KIF5C: variants seen among roughly 807,000 people sequenced by gnomAD.
The protein encoded by KIF5C is kinesin family member 5C, also known as kinesin heavy chain isoform 5C.
Under a neutral mutation model 125.2 loss-of-function variants are expected in KIF5C, and 18 were observed. That is an observed-to-expected ratio of 0.14 (90% CI 0.10 to 0.21). The LOEUF is 0.21. Among genes scored for constraint, KIF5C ranks in the 10% least tolerant of loss-of-function variants. KIF5C has a pLI of 1.00. For missense variants in KIF5C, 780 were observed against 1,183.8 expected, an observed-to-expected ratio of 0.66 and a Z score of 5.01; for synonymous variants, 405 against 434.0, an observed-to-expected ratio of 0.93 and a Z score of 0.83.
intron 11 of KIF5C, among the ~76,000 whole-genome samples, chr2:148,965,560 G>T (rs562787108): frequency 1.3e-5 from 2 of 152,160 alleles, no homozygotes; most frequent in Non-Finnish European, 2.9e-5. Context: ...GTGGGGAGAG[G>T]TCCTTTGTCC....
At chr2:148,931,356 A>T (rs1682180478) in intron 3 of KIF5C, among the ~76,000 whole-genome samples, 1 of 152,186 alleles carries the variant, frequency 6.6e-6, no homozygotes, top group Non-Finnish European at 1.5e-5. Flanking sequence ...GAAGAGATGG[A>T]TGTAGGGTGA....
chr2:148,954,467 C>G (rs78358442), intron 10 of KIF5C, among the ~76,000 whole-genome samples: 3,157 of 152,282 alleles, frequency 0.021, 96 homozygotes, highest in African/African-American at 0.065. Flanking sequence ...AGTGTGAACT[C>G]AAATCACCCA....
intron 25 of KIF5C, among the ~76,000 whole-genome samples, chr2:149,019,146 G>T (rs1299118198): frequency 6.6e-6 from 1 of 152,128 alleles, no homozygotes; most frequent in Non-Finnish European, 1.5e-5. Flanking sequence ...TGCTGTTTTG[G>T]TTGAAGTATA....
chr2:148,908,602 C>T (rs1681206704), intron 1 of KIF5C, among the ~76,000 whole-genome samples: 1 of 152,184 alleles, frequency 6.6e-6, no homozygotes, highest in South Asian at 2.1e-4. Flanking sequence ...CTCAGTTTCT[C>T]CAGTATTACC....
intron 25 of KIF5C, among the ~76,000 whole-genome samples, chr2:149,017,948 C>T (rs1193279920): frequency 2.0e-5 from 3 of 152,092 alleles, no homozygotes; most frequent in Admixed American, 6.5e-5. Flanking sequence ...AGGTGCAATG[C>T]GACCCCGGAG....
In KIF5C at chr2:148,991,163, C is replaced by T. The variant is rs750607673; in HGVS notation, c.1870C>T (p.Arg624Trp). ...CAACAGGAAGATGAATGCCAGCGAG[C>T]GGGAGCTGGCAGCCTGCCAGCTGCT... ...DSNRKMNASE[R>W]ELAACQLLIS... Residue 624 changes from arginine (R) to tryptophan (W), a missense_variant, in exon 16 of 26, where the codon CGG (arginine) becomes TGG (tryptophan). Physicochemically the swap from Arg to Trp is moderately radical, Grantham distance 101 (BLOSUM62 -3). Coordinates refer to ENST00000435030, the MANE Select transcript of KIF5C (RefSeq NM_004522.3). 1.1e-5 allele frequency: 17 copies of T among 1,613,790 alleles called. No homozygotes were observed. The highest frequency in any genetic ancestry group is 5.0e-5 in the Admixed American group (3 of 60,026).
chr2:148,998,531 G>A (rs376682764), intron 19 of KIF5C, 22 bp downstream of exon 19: 1 of 1,551,348 alleles, frequency 6.4e-7, no homozygotes, highest in Non-Finnish European at 8.7e-7. Flanking sequence ...CAGGGCACCA[G>A]GGGTGTGGGG....
In KIF5C at chr2:148,876,815, C is replaced by A. The variant is rs1423653556; in HGVS notation, c.126+1072C>A. On this transcript the variant is annotated intron_variant, in intron 1 of 25. Coordinates refer to ENST00000435030, the MANE Select transcript of KIF5C (RefSeq NM_004522.3). This position sits in a 1 kb window ranked among gnomAD's most constrained non-coding sequence, Gnocchi z 4.7. ...GTATGCGAGCCGCGTGGGGAGGGAC[C>A]GAGTTAATGGGAGCCTCCCGGTCCC... 6.6e-6 allele frequency among the ~76,000 whole-genome samples: 1 copy of A among 152,202 alleles called. No homozygotes were observed. Among genetic ancestry groups the A allele is most frequent in the Non-Finnish European group, 1.5e-5 (1 of 68,034 alleles).
chr2:148,964,598 T>C (rs1683006235), intron 11 of KIF5C, among the ~76,000 whole-genome samples: 1 of 152,274 alleles, frequency 6.6e-6, no homozygotes. Flanking sequence ...CCAAGAGTTA[T>C]ACAACAGGGG....
At chr2:148,974,367 AT>A (rs1235871069) in intron 12 of KIF5C, among the ~76,000 whole-genome samples, 3 of 152,322 alleles carry the variant, frequency 2.0e-5, no homozygotes, top group Non-Finnish European at 4.4e-5. Context: ...CAGCTTTGTT[AT>A]GTTAACCTTG....
At chr2:148,957,602 A>AG (rs1553466364) in intron 10 of KIF5C, among the ~76,000 whole-genome samples, 1 of 118,158 alleles carries the variant, frequency 8.5e-6, no homozygotes, top group Admixed American at 9.4e-5. Flanking sequence ...TAAAAAAAAA[A>AG]AAAAAAAAAA....
intron 12 of KIF5C, among the ~76,000 whole-genome samples, chr2:148,976,753 G>C (rs1333925029): frequency 1.4e-5 from 2 of 147,446 alleles, no homozygotes; most frequent in African/African-American, 5.1e-5. Flanking sequence ...TTTTTTTTTT[G>C]TATGTTTTGT....
In KIF5C at chr2:148,894,838, T is replaced by C. The variant is rs1008947629; in HGVS notation, c.126+19095T>C. ...TTATTCCAAATATTATATAAACATT[T>C]TAGGTTGATTTAAAAAAATTCAGGA... On this transcript the variant is annotated intron_variant, in intron 1 of 25. Transcript: ENST00000435030. Among the ~76,000 whole-genome samples the C allele has an allele frequency of 3.3e-5, 5 of 151,302 alleles. No homozygotes were observed. In the East Asian group the frequency reaches 9.7e-4, roughly 29 times the overall value.
intron 1 of KIF5C, among the ~76,000 whole-genome samples, chr2:148,907,051 A>T (rs1681138117): frequency 6.6e-6 from 1 of 152,180 alleles, no homozygotes; most frequent in Admixed American, 6.5e-5. Context: ...CAGAGCAAGA[A>T]TCCTGTCTCT....
At chr2:148,884,707 A>T (rs1681462871) in intron 1 of KIF5C, among the ~76,000 whole-genome samples, 2 of 152,248 alleles carry the variant, frequency 1.3e-5, no homozygotes, top group Admixed American at 1.3e-4. Flanking sequence ...AAATATTAAC[A>T]GTAATTCCTT....
chr2:148,883,911 G>C (rs748055955), intron 1 of KIF5C: 10 of 151,990 alleles, frequency 6.6e-5, no homozygotes, highest in Non-Finnish European at 1.5e-5. Context: ...CTGGGTAAAA[G>C]GATATACGAG....
intron 1 of KIF5C, among the ~76,000 whole-genome samples, chr2:148,880,523 A>G (rs1681318406): frequency 6.6e-6 from 1 of 152,244 alleles, no homozygotes; most frequent in African/African-American, 2.4e-5. Context: ...ATATCCAGGA[A>G]TGGGATTGCT....
chr2:148,898,451 G>A (rs1195024489), intron 1 of KIF5C, among the ~76,000 whole-genome samples: 1 of 152,214 alleles, frequency 6.6e-6, no homozygotes, highest in African/African-American at 2.4e-5. Context: ...TGACCAGTGG[G>A]AATTAAGGTT....
At chr2:149,003,466 C>T (rs891517246) in intron 21 of KIF5C, among the ~76,000 whole-genome samples, 7 of 152,224 alleles carry the variant, frequency 4.6e-5, no homozygotes, top group East Asian at 1.9e-4. Flanking sequence ...CCTCTGGGTG[C>T]GTTGATGAGA....
Sources: allele counts gnomAD v4.1 joint callset (sites outside exome capture counted in the v4.1 genomes callset), GRCh38; gene constraint gnomAD v4.1.1; non-coding constraint Gnocchi (gnomAD v3.1); transcripts MANE v1.5; gene names NCBI Gene and HGNC (gene_info 2026-07-23, HGNC 2026-07-21).